The following LDLRAD3 variants were observed in gnomAD, a reference collection of about 807,000 sequenced individuals.
LDLRAD3 encodes low density lipoprotein receptor class A domain containing 3, also known as low-density lipoprotein receptor class A domain-containing protein 3.
LDLRAD3 carries 20 observed loss-of-function variants against 29.4 expected under a neutral mutation model. The observed-to-expected ratio is 0.68, with a 90% CI of 0.48 to 0.99. The LOEUF (loss-of-function observed/expected upper bound fraction) is 0.99. Ranked by LOEUF, LDLRAD3 falls within the 50% of genes least tolerant of loss-of-function variation. The probability of loss-of-function intolerance (pLI) is 0.00; values close to 1 mark genes in which losing one functional copy is unlikely to be tolerated. For missense variants in LDLRAD3, 420 were observed against 454.3 expected (o/e 0.92, Z 0.69); for synonymous variants, 157 against 192.7 (o/e 0.81, Z 1.53).
In LDLRAD3 at chr11:36,023,168, G is replaced by A. The variant is rs76351834; in HGVS notation, c.47-12935G>A. On this transcript the variant is annotated intron_variant, in intron 1 of 5. Transcript: ENST00000315571. ...CTTTGCTTGACGGAAACAGGCTGGC[G>A]TTTTTGATCTCCCTGGCGGGGTTGC... is the stretch of plus-strand genomic sequence containing the variant. Among the ~76,000 whole-genome samples, 16 of 152,290 alleles carry A rather than the reference G, an allele frequency of 1.1e-4. No homozygotes were observed. The East Asian group carries it at 1.2e-3, about 11-fold the overall frequency.
At chr11:36,145,605 C>T (rs1170161050) in intron 4 of LDLRAD3, among the ~76,000 whole-genome samples, 3 of 151,534 alleles carry the variant, frequency 2.0e-5, no homozygotes, top group Non-Finnish European at 2.9e-5. Flanking sequence ...CGGATGGTTG[C>T]CGTGTCTGTG....
At chr11:35,955,819 G>A (rs1301185007) in intron 1 of LDLRAD3, among the ~76,000 whole-genome samples, 2 of 152,252 alleles carry the variant, frequency 1.3e-5, no homozygotes, top group Admixed American at 6.5e-5. Context: ...AGTAAAGTCT[G>A]TGGGAATGGG....
chr11:36,056,330 A>G (rs1308011580), intron 2 of LDLRAD3, among the ~76,000 whole-genome samples: 1 of 152,080 alleles, frequency 6.6e-6, no homozygotes, highest in Non-Finnish European at 1.5e-5. Context: ...ATTTTATATA[A>G]TAGGCACTGT....
chr11:36,184,503 A>C (rs1343131433), intron 4 of LDLRAD3, among the ~76,000 whole-genome samples: 1 of 152,144 alleles, frequency 6.6e-6, no homozygotes, highest in African/African-American at 2.4e-5. Context: ...TATATTACTC[A>C]TTGTCTTTGA....
chr11:36,197,466 C>G (rs777938340), intron 4 of LDLRAD3: 5 of 152,250 alleles, frequency 3.3e-5, no homozygotes, highest in Non-Finnish European at 2.9e-5. Context: ...GGTACACAGT[C>G]TTTCTGTGCT....
At chr11:36,090,118 C>T (rs900203863) in intron 3 of LDLRAD3, among the ~76,000 whole-genome samples, 1 of 152,036 alleles carries the variant, frequency 6.6e-6, no homozygotes, top group African/African-American at 2.4e-5. Flanking sequence ...AAATTTGAGC[C>T]CAGGTGGACT....
At chr11:36,147,126 TTTTTTTTTTG>T (rs1854207751) in intron 4 of LDLRAD3, among the ~76,000 whole-genome samples, 6 of 66,502 alleles carry the variant, frequency 9.0e-5, no homozygotes, top group African/African-American at 1.8e-4. Context: ...TTTTTTTTTT[TTTTTTTTTTG>T]AGACGGAGTC....
In LDLRAD3 at chr11:36,231,854, G is replaced by A. The variant is rs1048062593; in HGVS notation, c.*2457G>A. 5 of 151,894 alleles carry A rather than the reference G, an allele frequency of 3.3e-5. No individual in the cohort carries two copies. The highest frequency in any genetic ancestry group is 9.7e-5 in the African/African-American group (4 of 41,310). 9.4% of individuals were successfully genotyped at this position (151,894 alleles called of 1,614,324 possible). On this transcript the variant is annotated 3_prime_UTR_variant, in exon 6 of 6. Coordinates refer to ENST00000315571, the MANE Select transcript of LDLRAD3 (RefSeq NM_174902.4). ...TTTTTTATACATTGCCTAAATCTAC[G>A]CCAACCAGAAAATAGTCTCATCTCT... is the stretch of plus-strand genomic sequence containing the variant.
intron 4 of LDLRAD3, among the ~76,000 whole-genome samples, chr11:36,145,226 G>GA (rs1280008436): frequency 0.022 from 7 of 324 alleles, no homozygotes; most frequent in Non-Finnish European, 0.043. Context: ...CCCCCCACCC[G>GA]CCAGCCGCCC....
chr11:36,065,623 A>G (rs1364850759), intron 2 of LDLRAD3, among the ~76,000 whole-genome samples: 1 of 152,210 alleles, frequency 6.6e-6, no homozygotes, highest in East Asian at 1.9e-4. Context: ...AAGTTACATC[A>G]TGACACAGAG....
chr11:36,103,139 C>T (rs1202321571), intron 4 of LDLRAD3, among the ~76,000 whole-genome samples: 1 of 152,042 alleles, frequency 6.6e-6, no homozygotes, highest in African/African-American at 2.4e-5. Flanking sequence ...CCCTATTCTC[C>T]TTCCCCCCAG....
chr11:36,134,603 C>T (rs1295489273), intron 4 of LDLRAD3, among the ~76,000 whole-genome samples: 2 of 152,240 alleles, frequency 1.3e-5, no homozygotes, highest in South Asian at 4.1e-4. Flanking sequence ...CCCTTCACAT[C>T]TCATGGAGAA....
chr11:36,219,822 A>C (rs1437018029), intron 4 of LDLRAD3, among the ~76,000 whole-genome samples: 2 of 152,202 alleles, frequency 1.3e-5, no homozygotes. Context: ...TTCTTCATTG[A>C]CTAGTCTTAA....
chr11:36,193,640 A>G (rs1029314855), intron 4 of LDLRAD3, among the ~76,000 whole-genome samples: 1 of 152,070 alleles, frequency 6.6e-6, no homozygotes, highest in South Asian at 2.1e-4. Context: ...TCCTGTTAAG[A>G]GCACCACTTA....
intron 1 of LDLRAD3, among the ~76,000 whole-genome samples, chr11:35,969,877 A>G (rs761393172): frequency 6.6e-6 from 1 of 152,174 alleles, no homozygotes; most frequent in Admixed American, 6.5e-5. Context: ...CTTCAGTGAC[A>G]TGGTACCAAG....
intron 1 of LDLRAD3, among the ~76,000 whole-genome samples, chr11:36,015,151 G>T (rs145451644): frequency 6.6e-6 from 1 of 152,224 alleles, no homozygotes; most frequent in Non-Finnish European, 1.5e-5. Flanking sequence ...AGATGCCACC[G>T]CAGAGCCTTG....
chr11:35,960,539 A>G (rs940148331), intron 1 of LDLRAD3, among the ~76,000 whole-genome samples: 3 of 152,176 alleles, frequency 2.0e-5, no homozygotes, highest in Admixed American at 6.5e-5. Flanking sequence ...TTTGGAATTT[A>G]GAGTTTTTAA....
chr11:36,133,236 A>G (rs1392810599), intron 4 of LDLRAD3, among the ~76,000 whole-genome samples: 4 of 138,170 alleles, frequency 2.9e-5, no homozygotes, highest in East Asian at 4.4e-4. Flanking sequence ...GGGCCTTGCT[A>G]TGTTGTCCAG....
At chr11:36,153,175 G>A (rs569885511) in intron 4 of LDLRAD3, among the ~76,000 whole-genome samples, 1 of 151,972 alleles carries the variant, frequency 6.6e-6, no homozygotes, top group South Asian at 2.1e-4. Flanking sequence ...GCATAGTCGG[G>A]GTGCTTGACC....
Sources: allele counts gnomAD v4.1 joint callset (sites outside exome capture counted in the v4.1 genomes callset), GRCh38; gene constraint gnomAD v4.1.1; transcripts MANE v1.5; gene names NCBI Gene and HGNC (gene_info 2026-07-23, HGNC 2026-07-21).